Variants in XKR6 observed in about 807,000 individuals in gnomAD.
The protein encoded by XKR6 is XK-related protein 6.
In XKR6, 22 loss-of-function variants were observed where a neutral mutation model predicts 56.7. The observed-to-expected ratio is 0.39, with a 90% CI of 0.28 to 0.55. The LOEUF (loss-of-function observed/expected upper bound fraction) is 0.55, where lower values mean the gene tolerates loss of function less well. XKR6 is among the 20% of genes least tolerant of loss of function. The pLI, the probability that XKR6 is intolerant of heterozygous loss-of-function variation, is 0.66. For missense variants in XKR6, 852 were observed against 889.0 expected (o/e 0.96, Z 0.53); for synonymous variants, 524 against 387.8 (o/e 1.35, Z -4.13).
chr8:11,133,444 G>T (rs1011968589), intron 1 of XKR6, among the ~76,000 whole-genome samples: 1 of 152,014 alleles, frequency 6.6e-6, no homozygotes, highest in African/African-American at 2.4e-5. Context: ...CTGGAGAGAG[G>T]GCAAAAACTA....
intron 1 of XKR6, among the ~76,000 whole-genome samples, chr8:10,976,619 C>T (rs565556047): frequency 1.3e-5 from 2 of 152,276 alleles, no homozygotes; most frequent in South Asian, 4.1e-4. Flanking sequence ...AAGACAGTCT[C>T]CACGTTCAAG....
intron 1 of XKR6, among the ~76,000 whole-genome samples, chr8:11,182,311 T>A (rs373193571): frequency 6.6e-6 from 1 of 152,192 alleles, no homozygotes; most frequent in African/African-American, 2.4e-5. Context: ...ACACAGTTCC[T>A]TTATTGGAAT....
chr8:10,996,571 T>A (rs1294048233), intron 1 of XKR6, among the ~76,000 whole-genome samples: 1 of 152,126 alleles, frequency 6.6e-6, no homozygotes, highest in Non-Finnish European at 1.5e-5. Context: ...CACCCCCAGC[T>A]CCAATCTCTT....
chr8:11,069,849 A>G (rs942510125), intron 1 of XKR6, among the ~76,000 whole-genome samples: 1 of 152,198 alleles, frequency 6.6e-6, no homozygotes, highest in Non-Finnish European at 1.5e-5. Context: ...GCTTTGTGAC[A>G]GGAGAGCTTC....
intron 1 of XKR6, among the ~76,000 whole-genome samples, chr8:10,944,941 G>A (rs1801491508): frequency 6.6e-6 from 1 of 152,236 alleles, no homozygotes; most frequent in Non-Finnish European, 1.5e-5. Flanking sequence ...GGTCCCAGGG[G>A]ACATGGCAGA....
chr8:11,122,856 T>C (rs1799521505), intron 1 of XKR6, among the ~76,000 whole-genome samples: 1 of 152,160 alleles, frequency 6.6e-6, no homozygotes, highest in Non-Finnish European at 1.5e-5. Context: ...AGGGGAAAAC[T>C]AGACAGGAAA....
At chr8:10,948,473 T>A (rs950739705) in intron 1 of XKR6, among the ~76,000 whole-genome samples, 1 of 152,004 alleles carries the variant, frequency 6.6e-6, no homozygotes, top group African/African-American at 2.4e-5. Flanking sequence ...CCCCTCTGTT[T>A]CCTTATGAGT....
intron 1 of XKR6, among the ~76,000 whole-genome samples, chr8:10,986,508 A>G (rs1797867076): frequency 6.6e-6 from 1 of 152,154 alleles, no homozygotes; most frequent in Non-Finnish European, 1.5e-5. Context: ...AAGTTTAATG[A>G]GAATTTTTTT....
In XKR6 at chr8:10,896,600, T is replaced by A. The variant is rs1374381790; in HGVS notation, c.*1352A>T. 1 of 152,446 alleles carries A rather than the reference T, an allele frequency of 6.6e-6. No individual in the cohort carries two copies. The highest frequency in any genetic ancestry group is 1.5e-5 in the Non-Finnish European group (1 of 68,010). The allele number at this position is 152,446 out of a possible 1,614,324, so 9.4% of individuals were successfully genotyped here. A position where few individuals can be genotyped will look rare whatever the true frequency, so the allele number is the denominator to read the frequency against. On this transcript the variant is annotated 3_prime_UTR_variant, in exon 3 of 3. Coordinates refer to ENST00000416569, the MANE Select transcript of XKR6 (RefSeq NM_173683.4). The stretch of plus-strand genomic sequence containing the variant: ...ACACACATACTACACACACAAAATT[T>A]CCCATTCAACCCAGATGCACCAGGT...
chr8:11,035,645 G>A (rs547708660), intron 1 of XKR6, among the ~76,000 whole-genome samples: 35 of 152,320 alleles, frequency 2.3e-4, no homozygotes, highest in African/African-American at 8.4e-4. Flanking sequence ...GCATGAATAA[G>A]CATTTCAAAG....
At chr8:11,187,216 G>A (rs1803319852) in intron 1 of XKR6, among the ~76,000 whole-genome samples, 1 of 152,128 alleles carries the variant, frequency 6.6e-6, no homozygotes. Flanking sequence ...CCACCCTATG[G>A]CTAGGTTTTG....
chr8:11,180,454 C>A (rs1376803479), intron 1 of XKR6, among the ~76,000 whole-genome samples: 3 of 152,256 alleles, frequency 2.0e-5, no homozygotes, highest in African/African-American at 7.2e-5. Flanking sequence ...AGTAGCACCC[C>A]TCCAGCTGTG....
intron 1 of XKR6, among the ~76,000 whole-genome samples, chr8:11,146,351 T>C (rs1800980215): frequency 6.6e-6 from 1 of 152,138 alleles, no homozygotes; most frequent in African/African-American, 2.4e-5. Flanking sequence ...ACTGGCTAAG[T>C]GTGGTGGCTC....
chr8:10,913,763 C>A (rs543997100), intron 2 of XKR6, among the ~76,000 whole-genome samples: 53 of 152,324 alleles, frequency 3.5e-4, no homozygotes, highest in African/African-American at 1.2e-3. Flanking sequence ...CCTTTTCTCC[C>A]AGGTGACAGG....
At chr8:11,115,762 T>A (rs1799140812) in intron 1 of XKR6, among the ~76,000 whole-genome samples, 1 of 152,186 alleles carries the variant, frequency 6.6e-6, no homozygotes, top group Non-Finnish European at 1.5e-5. Flanking sequence ...GTCCTACTGC[T>A]CAAGATCATC....
intron 1 of XKR6, among the ~76,000 whole-genome samples, chr8:11,144,135 T>C (rs1183798575): frequency 1.3e-5 from 2 of 152,052 alleles, no homozygotes; most frequent in East Asian, 1.9e-4. Context: ...GCTTCACATA[T>C]GAATTTGCTG....
In XKR6 at chr8:11,137,437, G is replaced by A. The variant is rs537771909; in HGVS notation, c.764+63139C>T. The A allele has an allele frequency of 3.0e-4, 114 of 380,180 alleles. 1 individual carries two copies. Among genetic ancestry groups the A allele is most frequent in the African/African-American group, 2.0e-3 (94 of 47,348 alleles). 23.6% of individuals were successfully genotyped at this position (380,180 alleles called of 1,614,324 possible). On this transcript the variant is annotated intron_variant, in intron 1 of 2. Transcript: ENST00000416569. ...AGTGAGAAGAAATTCTCCCTCAAACGTGGACAGTCCCTTACATCTTCAGCC... is the reference window on the plus strand; with the variant it reads ...AGTGAGAAGAAATTCTCCCTCAAACATGGACAGTCCCTTACATCTTCAGCC...
rs548006954 is a variant in XKR6 at position 10,908,130 on chromosome 8, G to A, written c.962-9214C>T. 2.2e-3 allele frequency among the ~76,000 whole-genome samples: 340 copies of A among 152,348 alleles called. 1 individual carries two copies. Among genetic ancestry groups the A allele is most frequent in the African/African-American group, 7.6e-3 (318 of 41,580 alleles). On this transcript the variant is annotated intron_variant, in intron 2 of 2. Coordinates refer to ENST00000416569, the MANE Select transcript of XKR6 (RefSeq NM_173683.4). ...AGACTTGCTCTGGCCAGGCACGTGA[G>A]CAGAAGGGATGTGTGGCCCTGCCGG... is the stretch of plus-strand genomic sequence containing the variant.
chr8:10,996,471 A>C (rs1798115497), intron 1 of XKR6, among the ~76,000 whole-genome samples: 1 of 152,228 alleles, frequency 6.6e-6, no homozygotes, highest in Non-Finnish European at 1.5e-5. Flanking sequence ...GGACCAGAGC[A>C]CATCTCTATA....
Sources: allele counts gnomAD v4.1 joint callset (sites outside exome capture counted in the v4.1 genomes callset), GRCh38; gene constraint gnomAD v4.1.1; transcripts MANE v1.5; gene names NCBI Gene and HGNC (gene_info 2026-07-23, HGNC 2026-07-21).